Variants in IGSF3 observed in about 807,000 individuals in gnomAD.
IGSF3 encodes glu-Trp-Ile EWI motif-containing protein 3.
IGSF3 carries 23 observed loss-of-function variants against 114.4 expected under a neutral mutation model. That is an observed-to-expected ratio of 0.20 (90% CI 0.14 to 0.28). The LOEUF (loss-of-function observed/expected upper bound fraction) is 0.28. Among genes scored for constraint, IGSF3 ranks in the 10% least tolerant of loss-of-function variants. The probability of loss-of-function intolerance (pLI) is 1.00; values close to 1 mark genes in which losing one functional copy is unlikely to be tolerated. For missense variants in IGSF3, 1,172 were observed against 1,591.5 expected, an observed-to-expected ratio of 0.74 and a Z score of 4.48; for synonymous variants, 571 against 645.2, an observed-to-expected ratio of 0.88 and a Z score of 1.74.
At position 116,632,764 on chromosome 1, in the gene IGSF3, G is replaced by C. The variant is rs1331226754; in HGVS notation, c.44-16307C>G. 6.6e-6 allele frequency among the ~76,000 whole-genome samples: 1 copy of C among 152,184 alleles called. No individual in the cohort carries two copies. The highest frequency in any genetic ancestry group is 1.5e-5 in the Non-Finnish European group (1 of 68,022). The stretch of plus-strand genomic sequence containing the variant: ...ACAGAGCCTGGCCTGGAGCATGAGG[G>C]AGAACCACAGCCAACTCCAGAAAAA... On this transcript the variant is annotated intron_variant, in intron 2 of 10. Transcript: ENST00000369486. The surrounding 1 kb of genome is among the most constrained non-coding windows in gnomAD (Gnocchi z 5.1).
chr1:116,623,558 C>T (rs941011641), intron 2 of IGSF3, among the ~76,000 whole-genome samples: 11 of 151,986 alleles, frequency 7.2e-5, no homozygotes, highest in Non-Finnish European at 4.4e-5. Flanking sequence ...TGATGGCACA[C>T]GCTATCAGGA....
rs1209300064 is a variant in IGSF3, at chr1:116,633,222, A to C, written c.44-16765T>G. 6.6e-6 allele frequency among the ~76,000 whole-genome samples: 1 copy of C among 152,172 alleles called. No homozygotes were observed. The highest frequency in any genetic ancestry group is 1.5e-5 in the Non-Finnish European group (1 of 68,024). On this transcript the variant is annotated intron_variant, in intron 2 of 10. Transcript: ENST00000369486. This position sits in a 1 kb window ranked among gnomAD's most constrained non-coding sequence, Gnocchi z 4.3. The stretch of plus-strand genomic sequence containing the variant: ...CATTTGGGATGTCCTGGGTTCAACC[A>C]TTCCCACCCACTGCCGGATCAAGCA...
intron 10 of IGSF3, among the ~76,000 whole-genome samples, chr1:116,578,399 C>T (rs1423512227): frequency 6.6e-6 from 1 of 152,198 alleles, no homozygotes; most frequent in African/African-American, 2.4e-5. Context: ...GCCTGCTTTC[C>T]CTTTTACTGA....
rs1008733331 is a variant in IGSF3, at chr1:116,638,814, C to T, written c.44-22357G>A. On this transcript the variant is annotated intron_variant, in intron 2 of 10. Transcript: ENST00000369486. This position sits in a 1 kb window ranked among gnomAD's most constrained non-coding sequence, Gnocchi z 4.1. ...GCTCTATATGTGTTACAATGTTTAA[C>T]CCTCACAACTACAACAGGAGGTGGG... Among the ~76,000 whole-genome samples, 6 of 152,178 alleles carry T rather than the reference C, an allele frequency of 3.9e-5. No individual in the cohort carries two copies. Among genetic ancestry groups the T allele is most frequent in the Admixed American group, 3.9e-4 (6 of 15,276 alleles).
rs188561035 is a variant in IGSF3 at position 116,649,506 on chromosome 1, C to T, written c.43+16778G>A. Among the ~76,000 whole-genome samples the T allele has an allele frequency of 6.6e-6, 1 of 152,044 alleles. No homozygotes were observed. Among genetic ancestry groups the T allele is most frequent in the East Asian group, 1.9e-4 (1 of 5,188 alleles). On this transcript the variant is annotated intron_variant, in intron 2 of 10. Coordinates refer to ENST00000369486, the MANE Select transcript of IGSF3 (RefSeq NM_001007237.3). The surrounding 1 kb of genome is among the most constrained non-coding windows in gnomAD (Gnocchi z 4.5). Reference sequence around the variant, plus strand: ...AAGGCAAACAGCATCTTCCTAAAATCTTCCTCTTCCTAAAATCTTCCTCTT... The same window carrying T: ...AAGGCAAACAGCATCTTCCTAAAATTTTCCTCTTCCTAAAATCTTCCTCTT...
chr1:116,621,459 C>T (rs1182546132), intron 2 of IGSF3, among the ~76,000 whole-genome samples: 1 of 152,144 alleles, frequency 6.6e-6, no homozygotes, highest in African/African-American at 2.4e-5. Context: ...ACTGAACCTG[C>T]CCCTTTCCCC....
chr1:116,634,726 T>C lies in IGSF3; in HGVS notation c.44-18269A>G, dbSNP rs1571177589. Reference sequence around the variant, plus strand: ...TTCCATCGAGAGGGCAGAACCTGTGTTTCCTCTCCCTGAATCTAGGTGGGC... The same window carrying C: ...TTCCATCGAGAGGGCAGAACCTGTGCTTCCTCTCCCTGAATCTAGGTGGGC... On this transcript the variant is annotated intron_variant, in intron 2 of 10. Transcript: ENST00000369486. This position sits in a 1 kb window ranked among gnomAD's most constrained non-coding sequence, Gnocchi z 4.2. Among the ~76,000 whole-genome samples the C allele has an allele frequency of 6.6e-6, 1 of 152,118 alleles. No homozygotes were observed. Among genetic ancestry groups the C allele is most frequent in the East Asian group, 1.9e-4 (1 of 5,196 alleles).
chr1:116,603,520 C>T lies in IGSF3; in HGVS notation c.1624+104G>A, dbSNP rs1557866197. 4.2e-5 allele frequency: 47 copies of T among 1,116,326 alleles called. No homozygotes were observed. The highest frequency in any genetic ancestry group is 6.1e-5 in the Non-Finnish European group (47 of 765,814). The allele number at this position is 1,116,326 out of a possible 1,614,324, so 69.2% of individuals were successfully genotyped here. On this transcript the variant is annotated intron_variant, in intron 6 of 10. Coordinates refer to ENST00000369486, the MANE Select transcript of IGSF3 (RefSeq NM_001007237.3). The surrounding 1 kb of genome is among the most constrained non-coding windows in gnomAD (Gnocchi z 7.1). The stretch of plus-strand genomic sequence containing the variant: ...CAAACTCTATAGGTAAAAGACTGGC[C>T]ATAGTTTCCTGCTAAAACTCTGACT...
Position 116,614,111 on chromosome 1 carries a change from C to T in IGSF3, c.486G>A (p.Pro162=), listed in dbSNP as rs570888857. The T allele has an allele frequency of 2.7e-5, 43 of 1,613,944 alleles. No individual in the cohort carries two copies. The highest frequency in any genetic ancestry group is 2.5e-4 in the East Asian group (11 of 44,880). ...AGGCCACCTCACAAGTGAGCTCCAGCGGGTCCTGCTCCACTCTGTGCAGAG... is the reference window on the plus strand; with the variant it reads ...AGGCCACCTCACAAGTGAGCTCCAGTGGGTCCTGCTCCACTCTGTGCAGAG... ...PQTLHRVEQD[P]LELTCEVASE... is the part of the protein sequence containing the mutation. Residue 162 remains proline, a synonymous_variant, in exon 4 of 11, where the codon CCG becomes CCA. Transcript: ENST00000369486. This position sits in a 1 kb window ranked among gnomAD's most constrained non-coding sequence, Gnocchi z 4.5.
intron 2 of IGSF3, chr1:116,617,196 C>T (rs1205643579): frequency 1.5e-6 from 1 of 676,998 alleles, no homozygotes; most frequent in Non-Finnish European, 1.8e-6. Context: ...TCAGGCTACC[C>T]TTGAGTTTCC....
In IGSF3 at chr1:116,634,540, C is replaced by CA. The variant is rs1213375664; in HGVS notation, c.44-18084dup. Among the ~76,000 whole-genome samples the CA allele has an allele frequency of 1.3e-5, 2 of 152,236 alleles. No homozygotes were observed. Among genetic ancestry groups the CA allele is most frequent in the Non-Finnish European group, 2.9e-5 (2 of 68,034 alleles). On this transcript the variant is annotated intron_variant, in intron 2 of 10. Coordinates refer to ENST00000369486, the MANE Select transcript of IGSF3 (RefSeq NM_001007237.3). The surrounding 1 kb of genome is among the most constrained non-coding windows in gnomAD (Gnocchi z 4.2). Reference sequence around the variant, plus strand: ...CCTCTCTTGCTTCTCTCCCAGTTCTCAGTTTGCCCATCAAATCTCAGGTGG... The same window carrying CA: ...CCTCTCTTGCTTCTCTCCCAGTTCTCAAGTTTGCCCATCAAATCTCAGGTGG...
chr1:116,639,959 T>C (rs10923129), intron 2 of IGSF3, among the ~76,000 whole-genome samples: 8,967 of 148,900 alleles, frequency 0.06, 883 homozygotes, highest in African/African-American at 0.21. Context: ...ACTTGAACCC[T>C]TACCCAGGAG....
chr1:116,584,866 A>C lies in IGSF3; in HGVS notation c.2627T>G (p.Phe876Cys), dbSNP rs1172575969. Residue 876 changes from phenylalanine (F) to cysteine (C), a missense_variant, in exon 9 of 11, where the codon TTC (phenylalanine) becomes TGC (cysteine). This residue lies in a region of IGSF3 where 423 missense variants were observed against 509.8 expected (regional missense o/e 0.83). Coordinates refer to ENST00000369486, the MANE Select transcript of IGSF3 (RefSeq NM_001007237.3). The surrounding 1 kb of genome is among the most constrained non-coding windows in gnomAD (Gnocchi z 5.8). ...CTTGGCTGCCTGCTCTCCATAGTGG[A>C]AGGTGGCGTCACGGCTCAAGCGGGC... ...TVARLSRDAT[F>C]HYGEQAAKNN... 1 of 1,614,194 alleles carries C rather than the reference A, an allele frequency of 6.2e-7. No homozygotes were observed. The highest frequency in any genetic ancestry group is 2.2e-5 in the East Asian group (1 of 44,870).
At chr1:116,611,394 G>A (rs540048287) in intron 4 of IGSF3, among the ~76,000 whole-genome samples, 1 of 152,144 alleles carries the variant, frequency 6.6e-6, no homozygotes, top group African/African-American at 2.4e-5. Flanking sequence ...GTGCACATAC[G>A]TGCACATGAA....
chr1:116,611,430 T>A (rs891319788), intron 4 of IGSF3, among the ~76,000 whole-genome samples: 2 of 152,044 alleles, frequency 1.3e-5, no homozygotes, highest in Admixed American at 1.3e-4. Flanking sequence ...ATGTCTAACC[T>A]CCTAGGCACC....
In IGSF3 at chr1:116,603,814, G is replaced by T. The variant is rs1660690255; in HGVS notation, c.1434C>A (p.Arg478=). ...TVQPGSSYWE[R]SSFGGVQMEQ... ...CCATCTGGACGCCCCCAAAGCTGCT[G>T]CGCTCCCAGTAGGACGAGCCTGGCT... The change falls in exon 6 of 11, where the codon CGC becomes CGA. Residue 478 remains arginine, a synonymous_variant. Coordinates refer to ENST00000369486, the MANE Select transcript of IGSF3 (RefSeq NM_001007237.3). This position sits in a 1 kb window ranked among gnomAD's most constrained non-coding sequence, Gnocchi z 7.1. The T allele has an allele frequency of 2.5e-6, 4 of 1,614,024 alleles. No homozygotes were observed. Among genetic ancestry groups the T allele is most frequent in the Non-Finnish European group, 3.4e-6 (4 of 1,179,872 alleles).
In IGSF3 at chr1:116,589,224, G is replaced by C. The variant is rs1381336477; in HGVS notation, c.2030-120C>G. ...TTCCTGGGGGATTTAACACCGACTG[G>C]CTTCAGTGTGAGGAAGGCAGCACGG... On this transcript the variant is annotated intron_variant, in intron 7 of 10. Transcript: ENST00000369486. The surrounding 1 kb of genome is among the most constrained non-coding windows in gnomAD (Gnocchi z 5.7). 3 of 785,674 alleles carry C rather than the reference G, an allele frequency of 3.8e-6. No individual in the cohort carries two copies. Among genetic ancestry groups the C allele is most frequent in the East Asian group, 2.6e-5 (1 of 38,506 alleles). 48.7% of individuals were successfully genotyped at this position (785,674 alleles called of 1,614,324 possible).
At position 116,610,651 on chromosome 1, in the gene IGSF3, T is replaced by C. The variant is rs772195689; in HGVS notation, c.833-2320A>G. On this transcript the variant is annotated intron_variant, in intron 4 of 10. Coordinates refer to ENST00000369486, the MANE Select transcript of IGSF3 (RefSeq NM_001007237.3). This position sits in a 1 kb window ranked among gnomAD's most constrained non-coding sequence, Gnocchi z 4.3. Reference sequence around the variant, plus strand: ...GCCTGCTCCATGATCCCTTCTCTCCTGCTCTTCTTCTTGCTGGCCTGCCCA... The same window carrying C: ...GCCTGCTCCATGATCCCTTCTCTCCCGCTCTTCTTCTTGCTGGCCTGCCCA... Among the ~76,000 whole-genome samples, 1 of 152,188 alleles carries C rather than the reference T, an allele frequency of 6.6e-6. No homozygotes were observed. The highest frequency in any genetic ancestry group is 1.5e-5 in the Non-Finnish European group (1 of 68,038).
chr1:116,648,921 C>T lies in IGSF3; in HGVS notation c.43+17363G>A, dbSNP rs890476875. Among the ~76,000 whole-genome samples the T allele has an allele frequency of 1.3e-5, 2 of 152,156 alleles. No homozygotes were observed. The highest frequency in any genetic ancestry group is 4.8e-5 in the African/African-American group (2 of 41,442). On this transcript the variant is annotated intron_variant, in intron 2 of 10. Coordinates refer to ENST00000369486, the MANE Select transcript of IGSF3 (RefSeq NM_001007237.3). The surrounding 1 kb of genome is among the most constrained non-coding windows in gnomAD (Gnocchi z 4.7). ...CCTGGACAGCCAAGATGTAAACCTG[C>T]CCCCAGAAACACTGAGAGTCCTAGA... is the stretch of plus-strand genomic sequence containing the variant.
Sources: gnomAD v4.1 joint callset for allele counts (sites outside exome capture counted in the v4.1 genomes callset) on GRCh38, gnomAD v4.1.1 for gene constraint, gnomAD v4.1.1 regional missense constraint, Gnocchi (gnomAD v3.1) non-coding constraint, MANE v1.5 for transcripts, NCBI Gene and HGNC (gene_info 2026-07-23, HGNC 2026-07-21) for gene names.